CDH12: variants seen among roughly 807,000 people sequenced by gnomAD.
CDH12 encodes the protein cadherin 12.
In CDH12, 41 loss-of-function variants were observed where a neutral mutation model predicts 74.1. The ratio of observed to expected loss-of-function variants is 0.55; its 90% CI spans 0.43 to 0.72. CDH12 has a LOEUF of 0.72. Among genes scored for constraint, CDH12 ranks in the 30% least tolerant of loss-of-function variants. CDH12 has a pLI of 0.00. For synonymous variants in CDH12, 399 were observed against 355.0 expected, an observed-to-expected ratio of 1.12 and a Z score of -1.39; for missense variants, 945 against 977.2, an observed-to-expected ratio of 0.97 and a Z score of 0.44.
At chr5:22,536,670 G>A (rs926883772) in intron 1 of CDH12, among the ~76,000 whole-genome samples, 5 of 152,116 alleles carry the variant, frequency 3.3e-5, no homozygotes, top group Non-Finnish European at 2.9e-5. Context: ...AGTATATAAC[G>A]CATTTGAATT....
chr5:22,153,183 C>CTTTT (rs70957094), intron 4 of CDH12, among the ~76,000 whole-genome samples: 3 of 138,490 alleles, frequency 2.2e-5, no homozygotes, highest in Non-Finnish European at 3.1e-5. Context: ...TTTTTCTTTT[C>CTTTT]TTTTTTTTTT....
chr5:22,005,782 T>C (rs1336714591), intron 5 of CDH12, among the ~76,000 whole-genome samples: 2 of 152,176 alleles, frequency 1.3e-5, no homozygotes, highest in Non-Finnish European at 2.9e-5. Context: ...AATTAATGAA[T>C]TTATAATCAG....
chr5:21,919,252 T>C (rs1754243930), intron 6 of CDH12, among the ~76,000 whole-genome samples: 1 of 152,212 alleles, frequency 6.6e-6, no homozygotes, highest in East Asian at 1.9e-4. Flanking sequence ...ACTGAGCCAT[T>C]TTCCTCATTC....
chr5:21,880,547 C>CTTCCTTCCTTCCTTCCCTTCT (rs1341151131), intron 6 of CDH12, among the ~76,000 whole-genome samples: 2 of 121,336 alleles, frequency 1.6e-5, no homozygotes, highest in Admixed American at 8.9e-5. Flanking sequence ...TCCTTCCTTC[C>CTTCCTTCCTTCCTTCCCTTCT]TTCCTTCCTT....
rs140279373 is a variant in CDH12, at chr5:21,813,358, T to A, written c.1002+3587A>T. On this transcript the variant is annotated intron_variant, in intron 9 of 14. Transcript: ENST00000382254. ...AGCCAGGCATGTTGGCAGGCACCTG[T>A]AATCCCAACTACTTGGGAGGCTGAG... is the stretch of plus-strand genomic sequence containing the variant. Among the ~76,000 whole-genome samples the A allele has an allele frequency of 1.8e-3, 272 of 152,154 alleles. 7 individuals carry two copies. In the East Asian group the frequency reaches 0.041, roughly 23 times the overall value.
chr5:21,812,138 T>A (rs1473780657), intron 9 of CDH12, among the ~76,000 whole-genome samples: 1 of 152,058 alleles, frequency 6.6e-6, no homozygotes. Context: ...AATGTATTCT[T>A]AAGTGCGTTA....
intron 4 of CDH12, among the ~76,000 whole-genome samples, chr5:22,161,006 G>A (rs1031496439): frequency 6.6e-6 from 1 of 152,118 alleles, no homozygotes; most frequent in Non-Finnish European, 1.5e-5. Context: ...GTCTCTGCCT[G>A]GCCCTCATTT....
intron 2 of CDH12, among the ~76,000 whole-genome samples, chr5:22,417,186 T>G (rs771300724): frequency 3.9e-5 from 6 of 152,194 alleles, no homozygotes; most frequent in Non-Finnish European, 7.3e-5. Context: ...ATAAACATAA[T>G]AATTTGAGTA....
intron 3 of CDH12, among the ~76,000 whole-genome samples, chr5:22,380,258 A>G (rs1409435201): frequency 6.6e-6 from 1 of 152,176 alleles, no homozygotes; most frequent in South Asian, 2.1e-4. Flanking sequence ...AAAATTAATC[A>G]ACCTCCACTG....
At chr5:21,848,166 T>C (rs1181572161) in intron 7 of CDH12, among the ~76,000 whole-genome samples, 1 of 152,086 alleles carries the variant, frequency 6.6e-6, no homozygotes, top group East Asian at 1.9e-4. Context: ...GTGGGGTTAT[T>C]AGTATTTACC....
intron 4 of CDH12, among the ~76,000 whole-genome samples, chr5:22,130,470 G>A (rs1250515005): frequency 6.6e-6 from 1 of 152,034 alleles, no homozygotes. Flanking sequence ...AAGCAAAGTA[G>A]GATAAGAGCT....
At chr5:22,529,188 TAGAGAGAG>T (rs374921601) in intron 1 of CDH12, among the ~76,000 whole-genome samples, 1,091 of 84,508 alleles carry the variant, frequency 0.013, 15 homozygotes, top group African/African-American at 0.027. Flanking sequence ...TATATATATA[TAGAGAGAG>T]AGAGAGAGAG....
intron 3 of CDH12, among the ~76,000 whole-genome samples, chr5:22,248,758 G>A (rs1402565727): frequency 6.6e-6 from 1 of 151,940 alleles, no homozygotes; most frequent in East Asian, 1.9e-4. Flanking sequence ...ATTAACTGTG[G>A]CTAAATTTAA....
intron 5 of CDH12, among the ~76,000 whole-genome samples, chr5:22,020,792 C>A (rs554773796): frequency 1.4e-4 from 21 of 152,112 alleles, no homozygotes; most frequent in Admixed American, 2.0e-4. Flanking sequence ...ACCTAAAGAC[C>A]TTATCTCCAA....
chr5:22,781,120 A>G (rs1747365036), intron 1 of CDH12, among the ~76,000 whole-genome samples: 1 of 152,182 alleles, frequency 6.6e-6, no homozygotes, highest in South Asian at 2.1e-4. Flanking sequence ...ATTTTTAAAT[A>G]TATTTTGAAT....
At chr5:22,568,897 C>T (rs1360496039) in intron 1 of CDH12, among the ~76,000 whole-genome samples, 2 of 152,146 alleles carry the variant, frequency 1.3e-5, no homozygotes, top group Admixed American at 6.5e-5. Context: ...TTTGAGCTTT[C>T]AGCGAGTGGT....
At chr5:22,331,751 T>C (rs1357722823) in intron 3 of CDH12, among the ~76,000 whole-genome samples, 1 of 152,132 alleles carries the variant, frequency 6.6e-6, no homozygotes, top group Non-Finnish European at 1.5e-5. Flanking sequence ...GAAACTCAAA[T>C]AAATTCAAGA....
At chr5:22,568,617 T>C (rs1341065027) in intron 1 of CDH12, among the ~76,000 whole-genome samples, 1 of 152,068 alleles carries the variant, frequency 6.6e-6, no homozygotes, top group Non-Finnish European at 1.5e-5. Context: ...TTTTAAAAAA[T>C]GAATAAATGG....
chr5:22,407,748 T>G (rs191199568), intron 2 of CDH12, among the ~76,000 whole-genome samples: 4 of 152,066 alleles, frequency 2.6e-5, no homozygotes, highest in Admixed American at 6.6e-5. Flanking sequence ...TGGGAATATA[T>G]TTTCATTTAT....
Sources: gnomAD v4.1 joint callset for allele counts (sites outside exome capture counted in the v4.1 genomes callset) on GRCh38, gnomAD v4.1.1 for gene constraint, MANE v1.5 for transcripts, NCBI Gene and HGNC (gene_info 2026-07-23, HGNC 2026-07-21) for gene names.